ABCA6: variants seen among roughly 807,000 people sequenced by gnomAD.
The protein encoded by ABCA6 is ATP-binding cassette sub-family A member 6.
ABCA6 carries 164 observed loss-of-function variants against 191.2 expected under a neutral mutation model. The observed-to-expected ratio is 0.86, with a 90% CI of 0.76 to 0.98. The LOEUF (loss-of-function observed/expected upper bound fraction) is 0.98, where lower values mean the gene tolerates loss of function less well. Among genes scored for constraint, ABCA6 ranks in the 50% least tolerant of loss-of-function variants. The pLI is 0.00. For missense variants in ABCA6, 1,958 were observed against 1,894.1 expected (o/e 1.03, Z -0.63); for synonymous variants, 636 against 647.7 (o/e 0.98, Z 0.27).
At position 69,140,706 on chromosome 17, in the gene ABCA6, A is replaced by G; in HGVS notation, c.-3T>C. The G allele has an allele frequency of 6.4e-7, 1 of 1,566,552 alleles. No homozygotes were observed. Among genetic ancestry groups the G allele is most frequent in the Non-Finnish European group, 8.6e-7 (1 of 1,156,834 alleles). On this transcript the variant is annotated 5_prime_UTR_variant, in exon 2 of 39. Transcript: ENST00000284425. Reference sequence around the variant, plus strand: ...ACGCTTTTCTGTTTCATATTCATTTAGCCTATTCGCTGAAGGAGAAAGTAA... The same window carrying G: ...ACGCTTTTCTGTTTCATATTCATTTGGCCTATTCGCTGAAGGAGAAAGTAA...
In ABCA6 at chr17:69,078,938, T is replaced by G; in HGVS notation, c.*35A>C. 7.5e-7 allele frequency: 1 copy of G among 1,330,426 alleles called. No individual in the cohort carries two copies. Among genetic ancestry groups the G allele is most frequent in the Non-Finnish European group, 1.1e-6 (1 of 941,318 alleles). 82.4% of individuals were successfully genotyped at this position (1,330,426 alleles called of 1,614,324 possible). A position where few individuals can be genotyped will look rare whatever the true frequency, so the allele number is the denominator to read the frequency against. Reference sequence around the variant, plus strand: ...AATTATTACATAAAACATGAGTTTATAGGAGATCAACAAAAAATTACTAGG... The same window carrying G: ...AATTATTACATAAAACATGAGTTTAGAGGAGATCAACAAAAAATTACTAGG... On this transcript the variant is annotated 3_prime_UTR_variant, in exon 39 of 39. Coordinates refer to ENST00000284425, the MANE Select transcript of ABCA6 (RefSeq NM_080284.3).
intron 20 of ABCA6, 87 bp downstream of exon 20, chr17:69,105,375 T>C: frequency 7.7e-7 from 1 of 1,301,290 alleles, no homozygotes; most frequent in Non-Finnish European, 1.1e-6. Context: ...TTTCTTCTCT[T>C]ATGATTCACT....
At chr17:69,134,893 T>TTTTTTTTTTTTTC in intron 4 of ABCA6, 151 bp from the exon 5 acceptor site, 1 of 557,234 alleles carries the variant, frequency 1.8e-6, no homozygotes, top group East Asian at 3.2e-5. Flanking sequence ...GTTGTCTTTT[T>TTTTTTTTTTTTTC]TTTTTTGGAG....
Position 69,088,031 on chromosome 17 carries a change from C to T in ABCA6, c.3698+136G>A, listed in dbSNP as rs190275805. 6,413 of 757,968 alleles carry T rather than the reference C, an allele frequency of 8.5e-3. 43 individuals are homozygous for T. The highest frequency in any genetic ancestry group is 9.9e-3 in the Non-Finnish European group (5,012 of 507,382). The allele number at this position is 757,968 out of a possible 1,614,324, so 47.0% of individuals were successfully genotyped here. ...GTTCTATCTCTTGGCAGTAAGGCAG[C>T]AATCCACATTCCCTAATGACAATCA... is the stretch of plus-strand genomic sequence containing the variant. On this transcript the variant is annotated intron_variant, in intron 28 of 38. Coordinates refer to ENST00000284425, the MANE Select transcript of ABCA6 (RefSeq NM_080284.3).
rs190260909 is a variant in ABCA6, at chr17:69,123,922, T to A, written c.1268-515A>T. On this transcript the variant is annotated intron_variant, in intron 9 of 38. Transcript: ENST00000284425. Reference sequence around the variant, plus strand: ...AATAAACATATTTATTAAATTTTTTTAAAATGTGATCTAAAAGGTATTTAG... The same window carrying A: ...AATAAACATATTTATTAAATTTTTTAAAAATGTGATCTAAAAGGTATTTAG... Among the ~76,000 whole-genome samples, 599 of 152,164 alleles carry A rather than the reference T, an allele frequency of 3.9e-3. 7 individuals carry two copies. Among genetic ancestry groups the A allele is most frequent in the African/African-American group, 0.012 (495 of 41,562 alleles).
intron 16 of ABCA6, 157 bp from the exon 17 acceptor site, chr17:69,111,097 T>G: frequency 1.6e-6 from 1 of 614,084 alleles, no homozygotes. Flanking sequence ...TCTATCAGTT[T>G]GAAAATTTTA....
At chr17:69,110,764 C>T in intron 17 of ABCA6, 37 bp downstream of exon 17, 1 of 1,555,006 alleles carries the variant, frequency 6.4e-7, no homozygotes, top group Non-Finnish European at 8.7e-7. Flanking sequence ...AACATTTTTT[C>T]CCATATTTCA....
At chr17:69,093,916 C>A (rs560912009) in intron 25 of ABCA6, among the ~76,000 whole-genome samples, 2 of 152,102 alleles carry the variant, frequency 1.3e-5, no homozygotes, top group East Asian at 1.9e-4. Context: ...TATTACACTG[C>A]GGTGTAATTT....
chr17:69,101,912 C>T (rs935893046), intron 21 of ABCA6, among the ~76,000 whole-genome samples: 11 of 152,066 alleles, frequency 7.2e-5, no homozygotes, highest in Non-Finnish European at 1.0e-4. Flanking sequence ...TTATGTAGAA[C>T]GGAATTCAGT....
At chr17:69,101,688 C>A (rs1428888909) in intron 21 of ABCA6, among the ~76,000 whole-genome samples, 1 of 151,806 alleles carries the variant, frequency 6.6e-6, no homozygotes, top group Non-Finnish European at 1.5e-5. Context: ...TCATCCTTAC[C>A]CTGCCAAAGA....
chr17:69,123,657 CA>C (rs1342460445), intron 9 of ABCA6, among the ~76,000 whole-genome samples: 1 of 151,286 alleles, frequency 6.6e-6, no homozygotes, highest in East Asian at 1.9e-4. Flanking sequence ...AGAATGTGAT[CA>C]AAAAAAAGAA....
intron 23 of ABCA6, 121 bp downstream of exon 23, chr17:69,097,799 A>T (rs1378808553): frequency 1.5e-6 from 1 of 661,500 alleles, no homozygotes; most frequent in African/African-American, 1.9e-5. Flanking sequence ...GTTTAGCTAC[A>T]ATATCTAAAT....
chr17:69,133,544 T>C (rs1056340658), intron 6 of ABCA6, 97 bp downstream of exon 6: 3 of 927,334 alleles, frequency 3.2e-6, no homozygotes, highest in Non-Finnish European at 4.8e-6. Flanking sequence ...AGCCAATGCA[T>C]CAAGTTTAAA....
rs186743174 is a variant in ABCA6, at chr17:69,098,257, T to G, written c.3013-230A>C. On this transcript the variant is annotated intron_variant, in intron 22 of 38. Transcript: ENST00000284425. ...CTTCTGGGGATATTTCCAAAAGAATTGAAAGCAAGCTCTCGAAGAGATACC... is the reference window on the plus strand; with the variant it reads ...CTTCTGGGGATATTTCCAAAAGAATGGAAAGCAAGCTCTCGAAGAGATACC... 5.2e-4 allele frequency: 225 copies of G among 432,578 alleles called. 1 individual carries two copies. The highest frequency in any genetic ancestry group is 4.4e-3 in the African/African-American group (214 of 48,804). 26.8% of individuals were successfully genotyped at this position (432,578 alleles called of 1,614,324 possible).
chr17:69,114,781 A>G lies in ABCA6; in HGVS notation c.1763T>C (p.Leu588Pro), dbSNP rs1328329512. The G allele has an allele frequency of 1.1e-5, 18 of 1,610,602 alleles. No homozygotes were observed. ...SLFAKIKGIH[L>P]KEVEQEVQRI... is the part of the protein sequence containing the mutation. ...TCCTACCTCTTGTTCCACTTCCTTTAGATGAATCCCTTTTATTTTAGCAAA... is the reference window on the plus strand; with the variant it reads ...TCCTACCTCTTGTTCCACTTCCTTTGGATGAATCCCTTTTATTTTAGCAAA... The change falls in exon 13 of 39, where the codon CTA becomes CCA. Residue 588 changes from leucine (L) to proline (P), a missense_variant. Coordinates refer to ENST00000284425, the MANE Select transcript of ABCA6 (RefSeq NM_080284.3).
In ABCA6 at chr17:69,079,258, A is replaced by G. The variant is rs1471049036; in HGVS notation, c.4704T>C (p.His1568=). 2 of 1,604,892 alleles carry G rather than the reference A, an allele frequency of 1.2e-6. No homozygotes were observed. Among genetic ancestry groups the G allele is most frequent in the Non-Finnish European group, 1.7e-6 (2 of 1,175,336 alleles). Reference sequence around the variant, plus strand: ...GGCTGTATTCTTCCAGGTTAAAGTTATGCTTCACTGGAGGAAAAAAAAGAC... The same window carrying G: ...GGCTGTATTCTTCCAGGTTAAAGTTGTGCTTCACTGGAGGAAAAAAAAGAC... ...QTFHKLEAVK[H]NFNLEEYSLS... Residue 1568 remains histidine (H), a synonymous_variant, in exon 38 of 39, where the codon CAT becomes CAC. Transcript: ENST00000284425.
intron 32 of ABCA6, among the ~76,000 whole-genome samples, 165 bp from the exon 33 acceptor site, chr17:69,084,672 T>C (rs2072731862): frequency 5.5e-5 from 2 of 36,270 alleles, no homozygotes; most frequent in South Asian, 2.2e-3. Flanking sequence ...ATGAAAGACT[T>C]TTTTTTTTTT....
At chr17:69,102,068 G>A (rs775271196) in intron 21 of ABCA6, among the ~76,000 whole-genome samples, 11 of 152,238 alleles carry the variant, frequency 7.2e-5, no homozygotes, top group South Asian at 4.1e-4. Context: ...TTTTTAAACC[G>A]AGCACGGTAG....
intron 9 of ABCA6, among the ~76,000 whole-genome samples, chr17:69,124,294 T>C (rs1284763123): frequency 6.6e-6 from 1 of 151,842 alleles, no homozygotes; most frequent in East Asian, 1.9e-4. Flanking sequence ...GGAAGGAACA[T>C]ATAAAATAAG....
Sources: gnomAD v4.1 joint callset for allele counts (sites outside exome capture counted in the v4.1 genomes callset) on GRCh38, gnomAD v4.1.1 for gene constraint, MANE v1.5 for transcripts, NCBI Gene and HGNC (gene_info 2026-07-23, HGNC 2026-07-21) for gene names.